Variants in PLEKHM3 observed in about 807,000 individuals in gnomAD.
PLEKHM3 encodes pleckstrin homology domain containing M3, also known as pleckstrin homology domain-containing family M member 3.
In PLEKHM3, 45 loss-of-function variants were observed where a neutral mutation model predicts 81.8. The ratio of observed to expected loss-of-function variants is 0.55; its 90% CI spans 0.43 to 0.71. The LOEUF is 0.71. Ranked by LOEUF, PLEKHM3 falls within the 30% of genes least tolerant of loss-of-function variation. The pLI, the probability that PLEKHM3 is intolerant of heterozygous loss-of-function variation, is 0.00. For synonymous variants in PLEKHM3, 352 were observed against 356.4 expected, an observed-to-expected ratio of 0.99 and a Z score of 0.14; for missense variants, 788 against 924.3, an observed-to-expected ratio of 0.85 and a Z score of 1.91.
chr2:207,937,756 T>C (rs1484023838), intron 4 of PLEKHM3, among the ~76,000 whole-genome samples: 3 of 152,176 alleles, frequency 2.0e-5, no homozygotes, highest in African/African-American at 7.2e-5. Flanking sequence ...AAAATAACCT[T>C]ATTGCTTTGG....
intron 5 of PLEKHM3, among the ~76,000 whole-genome samples, chr2:207,918,642 T>C (rs966355567): frequency 3.3e-5 from 5 of 152,172 alleles, no homozygotes; most frequent in Admixed American, 2.0e-4. Context: ...AGTGGTAGGA[T>C]ATGGGTGGCT....
At chr2:207,915,254 C>G (rs1688949458) in intron 5 of PLEKHM3, among the ~76,000 whole-genome samples, 1 of 152,170 alleles carries the variant, frequency 6.6e-6, no homozygotes, top group Non-Finnish European at 1.5e-5. Flanking sequence ...ATATATGATT[C>G]AGAGCCCTTA....
chr2:208,022,634 A>G (rs1352682982), intron 1 of PLEKHM3, among the ~76,000 whole-genome samples: 1 of 152,184 alleles, frequency 6.6e-6, no homozygotes, highest in Non-Finnish European at 1.5e-5. Context: ...CCTTCTCAAC[A>G]GTTCCTCTCC....
In PLEKHM3 at chr2:207,823,034, T is replaced by C. The variant is rs2092228085; in HGVS notation, c.*5285A>G. 6.6e-6 allele frequency: 1 copy of C among 152,250 alleles called. No individual in the cohort carries two copies. The highest frequency in any genetic ancestry group is 6.5e-5 in the Admixed American group (1 of 15,274). 9.4% of individuals were successfully genotyped at this position (152,250 alleles called of 1,614,324 possible). On this transcript the variant is annotated 3_prime_UTR_variant, in exon 8 of 8. Transcript: ENST00000427836. ...AATAGGAGGGAGCCCTCCTAAGAGT[T>C]AGGAGTTGCTGTGAGTTGCTGTAGG...
At chr2:208,005,586 A>G (rs999875851) in intron 1 of PLEKHM3, among the ~76,000 whole-genome samples, 1 of 152,218 alleles carries the variant, frequency 6.6e-6, no homozygotes, top group African/African-American at 2.4e-5. Context: ...TTAAGGTTAT[A>G]TACTATGAAC....
chr2:207,947,772 G>T (rs188092842), intron 3 of PLEKHM3, among the ~76,000 whole-genome samples: 20 of 152,292 alleles, frequency 1.3e-4, no homozygotes, highest in Admixed American at 5.9e-4. Context: ...GATCAGTGTT[G>T]TAACCCTTTC....
rs1357472094 is a variant in PLEKHM3 at position 207,906,290 on chromosome 2, A to AAT, written c.1950+2223_1950+2224insAT. Among the ~76,000 whole-genome samples, 134 of 152,334 alleles carry AAT rather than the reference A, an allele frequency of 8.8e-4. 1 individual carries two copies. The highest frequency in any genetic ancestry group is 2.9e-3 in the African/African-American group (119 of 41,584). ...ATTCCTCCCCTTGAACAACAATTTT[A>AAT]AGTAAAAATATACCCCTTTCCACCC... On this transcript the variant is annotated intron_variant, in intron 6 of 7. Coordinates refer to ENST00000427836, the MANE Select transcript of PLEKHM3 (RefSeq NM_001080475.3).
At chr2:207,989,695 G>A (rs144044999) in intron 2 of PLEKHM3, among the ~76,000 whole-genome samples, 1 of 152,272 alleles carries the variant, frequency 6.6e-6, no homozygotes, top group East Asian at 1.9e-4. Context: ...GGGGCCTGAG[G>A]AGACCCACTG....
chr2:207,998,721 A>C (rs1193511494), intron 2 of PLEKHM3, among the ~76,000 whole-genome samples: 1 of 152,214 alleles, frequency 6.6e-6, no homozygotes, highest in African/African-American at 2.4e-5. Flanking sequence ...AGGTCTTTAC[A>C]GAGCCTAATG....
chr2:207,920,524 C>T (rs939308424), intron 5 of PLEKHM3, among the ~76,000 whole-genome samples: 2 of 151,996 alleles, frequency 1.3e-5, no homozygotes, highest in Admixed American at 6.6e-5. Context: ...AAAAGCTAGT[C>T]CAAACAGCTG....
At chr2:207,917,894 G>T (rs2718671) in intron 5 of PLEKHM3, among the ~76,000 whole-genome samples, 96,017 of 151,904 alleles carry the variant, frequency 0.63, 31,325 homozygotes, top group African/African-American at 0.77. Flanking sequence ...CCCTCCTAGA[G>T]CAAGTGTATT....
chr2:207,923,905 A>ATATATATATATATTTTTTTT (rs1396762429), intron 5 of PLEKHM3, among the ~76,000 whole-genome samples: 2 of 28,340 alleles, frequency 7.1e-5, no homozygotes, highest in Non-Finnish European at 1.3e-4. Context: ...ATATATATAT[A>ATATATATATATATTTTTTTT]TTTTTTTTTT....
chr2:207,938,234 A>G (rs551684469), intron 4 of PLEKHM3, among the ~76,000 whole-genome samples: 2 of 152,310 alleles, frequency 1.3e-5, no homozygotes, highest in East Asian at 3.9e-4. Flanking sequence ...GTTATCTTCA[A>G]AGAGATTTTA....
chr2:207,898,825 G>T (rs1410321410), intron 6 of PLEKHM3, among the ~76,000 whole-genome samples: 2 of 152,112 alleles, frequency 1.3e-5, no homozygotes, highest in African/African-American at 4.8e-5. Flanking sequence ...GGGCTCAGGA[G>T]GTCAAAGCTG....
At chr2:207,969,888 A>G (rs1304231391) in intron 3 of PLEKHM3, among the ~76,000 whole-genome samples, 2 of 152,190 alleles carry the variant, frequency 1.3e-5, no homozygotes, top group African/African-American at 4.8e-5. Context: ...ATTTTTTTCT[A>G]AAGTTGAGCA....
At chr2:208,009,143 G>A (rs1692605194) in intron 1 of PLEKHM3, among the ~76,000 whole-genome samples, 1 of 152,198 alleles carries the variant, frequency 6.6e-6, no homozygotes, top group Non-Finnish European at 1.5e-5. Flanking sequence ...TCTTTAACCT[G>A]ACATTCTAGG....
chr2:207,837,337 T>C (rs368904995), intron 7 of PLEKHM3, among the ~76,000 whole-genome samples: 2 of 152,240 alleles, frequency 1.3e-5, no homozygotes, highest in East Asian at 3.9e-4. Context: ...CCAGCTAAAT[T>C]AAGCCATAAT....
At chr2:207,969,879 T>G (rs1691051700) in intron 3 of PLEKHM3, among the ~76,000 whole-genome samples, 1 of 152,160 alleles carries the variant, frequency 6.6e-6, no homozygotes, top group Non-Finnish European at 1.5e-5. Flanking sequence ...AGTACATAGA[T>G]TTTTTTCTAA....
chr2:208,000,464 TATA>T (rs1257770714), intron 2 of PLEKHM3, among the ~76,000 whole-genome samples: 1 of 152,138 alleles, frequency 6.6e-6, no homozygotes, highest in Non-Finnish European at 1.5e-5. Flanking sequence ...CATTCACTCT[TATA>T]TGGACAGAGT....
Sources: allele counts gnomAD v4.1 joint callset (sites outside exome capture counted in the v4.1 genomes callset), GRCh38; gene constraint gnomAD v4.1.1; transcripts MANE v1.5; gene names NCBI Gene and HGNC (gene_info 2026-07-23, HGNC 2026-07-21).